FGF12: variants seen among roughly 807,000 people sequenced by gnomAD.
FGF12 encodes fibroblast growth factor 12B.
FGF12 carries 14 observed loss-of-function variants against 23.6 expected under a neutral mutation model. The observed-to-expected ratio is 0.59, with a 90% CI of 0.39 to 0.93. The LOEUF is 0.93. FGF12 is among the 40% of genes least tolerant of loss of function. The pLI is 0.00. For missense variants in FGF12, 175 were observed against 217.8 expected (o/e 0.80, Z 1.24); for synonymous variants, 62 against 77.3 (o/e 0.80, Z 1.04).
Position 192,500,823 on chromosome 3 carries a change from C to G in FGF12, c.14-140285G>C, listed in dbSNP as rs1724112039. Among the ~76,000 whole-genome samples the G allele has an allele frequency of 2.0e-5, 3 of 152,112 alleles. No homozygotes were observed. The South Asian group carries it at 6.2e-4, about 32-fold the overall frequency. ...CACTATAATCCCCATAAAGTAGGTG[C>G]TATTGTTATTGCCATTTTATGAATG... is the stretch of plus-strand genomic sequence containing the variant. On this transcript the variant is annotated intron_variant, in intron 2 of 5. Coordinates refer to ENST00000445105, the MANE Select transcript of FGF12 (RefSeq NM_004113.6).
chr3:192,412,518 G>A (rs1471491866), intron 2 of FGF12, among the ~76,000 whole-genome samples: 1 of 152,132 alleles, frequency 6.6e-6, no homozygotes, highest in Admixed American at 6.6e-5. Context: ...GTAGTGTTTT[G>A]GATTCAATCG....
intron 2 of FGF12, among the ~76,000 whole-genome samples, chr3:192,488,481 T>C (rs1723704219): frequency 6.6e-6 from 1 of 152,022 alleles, no homozygotes; most frequent in Non-Finnish European, 1.5e-5. Flanking sequence ...AATGAAAATC[T>C]CTCAGTCCAT....
rs1577166217 is a variant in FGF12 at position 192,142,030 on chromosome 3, G to T, written c.*1979C>A. On this transcript the variant is annotated 3_prime_UTR_variant, in exon 6 of 6. Coordinates refer to ENST00000445105, the MANE Select transcript of FGF12 (RefSeq NM_004113.6). ...CTAGAGTTATATTTTTGCCCCAGGG[G>T]TATTCTTTTCCTAGAAGAGCAAGTC... is the stretch of plus-strand genomic sequence containing the variant. The T allele has an allele frequency of 6.6e-6, 1 of 152,358 alleles. No homozygotes were observed. Among genetic ancestry groups the T allele is most frequent in the Non-Finnish European group, 1.5e-5 (1 of 67,858 alleles). 9.4% of individuals were successfully genotyped at this position (152,358 alleles called of 1,614,324 possible).
At chr3:192,227,341 C>G (rs975460426) in intron 4 of FGF12, among the ~76,000 whole-genome samples, 2 of 151,974 alleles carry the variant, frequency 1.3e-5, no homozygotes, top group Admixed American at 6.6e-5. Flanking sequence ...AACTCCGTAC[C>G]CTGTGCCTCT....
At chr3:192,572,602 G>A (rs1407840317) in intron 2 of FGF12, among the ~76,000 whole-genome samples, 1 of 152,126 alleles carries the variant, frequency 6.6e-6, no homozygotes, top group Non-Finnish European at 1.5e-5. Flanking sequence ...TTGAACCCAA[G>A]GACTTAAATA....
At chr3:192,303,690 C>A (rs575174119) in intron 4 of FGF12, among the ~76,000 whole-genome samples, 1 of 152,090 alleles carries the variant, frequency 6.6e-6, no homozygotes, top group South Asian at 2.1e-4. Context: ...TTTAAAGACA[C>A]CTAAAGGTGA....
intron 4 of FGF12, among the ~76,000 whole-genome samples, chr3:192,316,098 A>G (rs999129094): frequency 6.6e-6 from 1 of 152,192 alleles, no homozygotes; most frequent in Admixed American, 6.5e-5. Context: ...AATCATTAGC[A>G]GAAGGGATCT....
At chr3:192,625,616 T>A (rs1391494685) in intron 2 of FGF12, among the ~76,000 whole-genome samples, 1 of 152,128 alleles carries the variant, frequency 6.6e-6, no homozygotes, top group Non-Finnish European at 1.5e-5. Context: ...GGTTTTTTCT[T>A]AAAAACTGAG....
intron 4 of FGF12, among the ~76,000 whole-genome samples, chr3:192,299,896 T>C (rs1715245872): frequency 6.6e-6 from 1 of 152,178 alleles, no homozygotes; most frequent in Admixed American, 6.5e-5. Context: ...CACAGATACA[T>C]TGATTCTATT....
chr3:192,410,407 C>T (rs1721161331), intron 2 of FGF12, among the ~76,000 whole-genome samples: 2 of 152,122 alleles, frequency 1.3e-5, no homozygotes, highest in Non-Finnish European at 2.9e-5. Context: ...CTGCTCCGTC[C>T]GGTCCCTCCC....
chr3:192,622,150 T>C (rs1714999065), intron 2 of FGF12, among the ~76,000 whole-genome samples: 1 of 152,166 alleles, frequency 6.6e-6, no homozygotes, highest in African/African-American at 2.4e-5. Flanking sequence ...ATGTAATCAT[T>C]TCCACAGCAT....
At chr3:192,552,538 A>AG (rs199757532) in intron 2 of FGF12, among the ~76,000 whole-genome samples, 33,050 of 151,856 alleles carry the variant, frequency 0.22, 3,893 homozygotes, top group Middle Eastern at 0.4. Flanking sequence ...AATGTATCAA[A>AG]AAAAACCCTC....
chr3:192,300,147 G>T (rs988962521), intron 4 of FGF12, among the ~76,000 whole-genome samples: 1 of 152,120 alleles, frequency 6.6e-6, no homozygotes, highest in Non-Finnish European at 1.5e-5. Flanking sequence ...GAAGACACTG[G>T]TATCGCTGCT....
rs1458574062 is a variant in FGF12, at chr3:192,142,198, T to G, written c.*1811A>C. 1 of 152,568 alleles carries G rather than the reference T, an allele frequency of 6.6e-6. No individual in the cohort carries two copies. The highest frequency in any genetic ancestry group is 1.5e-5 in the Non-Finnish European group (1 of 67,970). 9.5% of individuals were successfully genotyped at this position (152,568 alleles called of 1,614,324 possible). ...CCAACTGCTTAGGGAAATTCCTTCATTTCATTTTCTGCTAACCTCTAGATA... is the reference window on the plus strand; with the variant it reads ...CCAACTGCTTAGGGAAATTCCTTCAGTTCATTTTCTGCTAACCTCTAGATA... On this transcript the variant is annotated 3_prime_UTR_variant, in exon 6 of 6. Transcript: ENST00000445105.
At chr3:192,403,849 C>A (rs940123950) in intron 2 of FGF12, among the ~76,000 whole-genome samples, 1 of 151,972 alleles carries the variant, frequency 6.6e-6, no homozygotes, top group Non-Finnish European at 1.5e-5. Flanking sequence ...CAAAAGGATA[C>A]GTTTTATAAT....
At chr3:192,291,692 C>A (rs1314030417) in intron 4 of FGF12, among the ~76,000 whole-genome samples, 1 of 151,768 alleles carries the variant, frequency 6.6e-6, no homozygotes, top group Non-Finnish European at 1.5e-5. Flanking sequence ...TAATACAGAG[C>A]AAAAGGTATA....
chr3:192,271,539 C>A (rs1713437061), intron 4 of FGF12, among the ~76,000 whole-genome samples: 2 of 152,170 alleles, frequency 1.3e-5, no homozygotes, highest in Non-Finnish European at 2.9e-5. Flanking sequence ...GCCTAACTTA[C>A]CATTTCCCAC....
chr3:192,593,479 A>G (rs756435427), intron 2 of FGF12, among the ~76,000 whole-genome samples: 1 of 151,898 alleles, frequency 6.6e-6, no homozygotes, highest in Non-Finnish European at 1.5e-5. Context: ...TGGAACATAA[A>G]CTCCATGAGA....
chr3:192,365,155 T>G (rs2108737776), intron 2 of FGF12, among the ~76,000 whole-genome samples: 1 of 152,304 alleles, frequency 6.6e-6, no homozygotes, highest in East Asian at 1.9e-4. Flanking sequence ...GATAACCTAT[T>G]TGCCTTGATG....
Sources: gnomAD v4.1 joint callset for allele counts (sites outside exome capture counted in the v4.1 genomes callset) on GRCh38, gnomAD v4.1.1 for gene constraint, MANE v1.5 for transcripts, NCBI Gene and HGNC (gene_info 2026-07-23, HGNC 2026-07-21) for gene names.